RNF150: variants seen among roughly 807,000 people sequenced by gnomAD.
RNF150 encodes ring finger protein 150.
A neutral mutation model predicts 39.3 loss-of-function variants in RNF150; 24 were observed. That is an observed-to-expected ratio of 0.61 (90% CI 0.44 to 0.86). The LOEUF is 0.86. Ranked by LOEUF, RNF150 falls within the 40% of genes least tolerant of loss-of-function variation. The pLI, the probability that RNF150 is intolerant of heterozygous loss-of-function variation, is 0.00. For missense variants in RNF150, 502 were observed against 587.8 expected, an observed-to-expected ratio of 0.85 and a Z score of 1.51; for synonymous variants, 255 against 227.3, an observed-to-expected ratio of 1.12 and a Z score of -1.10.
At chr4:141,114,568 C>T (rs1560745984) in intron 1 of RNF150, among the ~76,000 whole-genome samples, 1 of 152,062 alleles carries the variant, frequency 6.6e-6, no homozygotes, top group Non-Finnish European at 1.5e-5. Context: ...AAATTCACAG[C>T]CGAATTCTAC....
At chr4:141,008,221 T>G (rs2110736698) in intron 1 of RNF150, among the ~76,000 whole-genome samples, 1 of 152,364 alleles carries the variant, frequency 6.6e-6, no homozygotes, top group African/African-American at 2.4e-5. Flanking sequence ...TCAAATGTTT[T>G]TTGCTAATTT....
intron 1 of RNF150, among the ~76,000 whole-genome samples, chr4:140,982,237 G>A (rs577656635): frequency 6.6e-5 from 10 of 152,098 alleles, no homozygotes; most frequent in Non-Finnish European, 8.8e-5. Flanking sequence ...TTTTTCTCAC[G>A]ACATATGAAA....
chr4:141,078,616 C>A (rs943967538), intron 1 of RNF150, among the ~76,000 whole-genome samples: 9 of 150,352 alleles, frequency 6.0e-5, no homozygotes, highest in South Asian at 2.1e-4. Context: ...CCCGTCTCTA[C>A]TAAAAATACA....
chr4:141,206,443 G>A (rs1728376515), intron 1 of RNF150, among the ~76,000 whole-genome samples: 1 of 140,898 alleles, frequency 7.1e-6, no homozygotes, highest in African/African-American at 2.6e-5. Context: ...AAAAAAGAGT[G>A]TTCCCAAACC....
chr4:141,010,722 T>C (rs991041999), intron 1 of RNF150, among the ~76,000 whole-genome samples: 4 of 152,100 alleles, frequency 2.6e-5, no homozygotes, highest in Non-Finnish European at 5.9e-5. Flanking sequence ...CACCCGCCGC[T>C]AACAGCACCC....
intron 6 of RNF150, among the ~76,000 whole-genome samples, chr4:140,875,434 C>G (rs59222460): frequency 0.14 from 21,474 of 152,120 alleles, 1,812 homozygotes; most frequent in East Asian, 0.38. Flanking sequence ...ACCTTGGTCT[C>G]CAAAGCACCA....
intron 1 of RNF150, among the ~76,000 whole-genome samples, chr4:141,100,655 G>A (rs1738974289): frequency 1.3e-5 from 2 of 152,198 alleles, no homozygotes; most frequent in Admixed American, 6.5e-5. Flanking sequence ...TGCTAGGGAA[G>A]GAGATGTACG....
At chr4:141,129,546 C>T (rs923343815) in intron 1 of RNF150, among the ~76,000 whole-genome samples, 1 of 152,088 alleles carries the variant, frequency 6.6e-6, no homozygotes, top group Admixed American at 6.5e-5. Context: ...ATGATGGCTG[C>T]ACAACTCAGT....
chr4:141,147,564 G>C (rs1942408004), intron 1 of RNF150, among the ~76,000 whole-genome samples: 1 of 152,228 alleles, frequency 6.6e-6, no homozygotes, highest in Non-Finnish European at 1.5e-5. Flanking sequence ...ACACAAGGCA[G>C]AGGGAATGGA....
At chr4:141,189,356 C>T (rs1399910686) in intron 1 of RNF150, among the ~76,000 whole-genome samples, 1 of 152,168 alleles carries the variant, frequency 6.6e-6, no homozygotes, top group African/African-American at 2.4e-5. Context: ...AGTTATCTCC[C>T]AGTCAGGTGG....
At chr4:140,905,491 C>A (rs1245646688) in intron 6 of RNF150, among the ~76,000 whole-genome samples, 1 of 152,142 alleles carries the variant, frequency 6.6e-6, no homozygotes, top group Non-Finnish European at 1.5e-5. Context: ...TAAAGGGGAA[C>A]TTGTTCGGTA....
intron 1 of RNF150, among the ~76,000 whole-genome samples, chr4:141,014,420 C>T (rs368510469): frequency 3.3e-5 from 5 of 152,154 alleles, no homozygotes; most frequent in African/African-American, 7.2e-5. Context: ...ACCTCCACAC[C>T]GCTTTCCATA....
chr4:141,176,402 T>C (rs1727814902), intron 1 of RNF150, among the ~76,000 whole-genome samples: 1 of 152,200 alleles, frequency 6.6e-6, no homozygotes, highest in South Asian at 2.1e-4. Context: ...CTTGGTCCCT[T>C]GCAAAAGATG....
chr4:141,113,808 TAACA>T (rs1739465502), intron 1 of RNF150, among the ~76,000 whole-genome samples: 1 of 152,042 alleles, frequency 6.6e-6, no homozygotes, highest in African/African-American at 2.4e-5. Context: ...ACAGAAACCA[TAACA>T]AACTGTCTCT....
chr4:141,168,762 G>A lies in RNF150; in HGVS notation c.-6+44032C>T, dbSNP rs939724966. On this transcript the variant is annotated intron_variant, in intron 1 of 7. Transcript: ENST00000420921. The stretch of plus-strand genomic sequence containing the variant: ...CGAACAAGGAGAACACATGGACACA[G>A]GGAGGGGAACATCACACACCAGCGC... Among the ~76,000 whole-genome samples the A allele has an allele frequency of 2.6e-5, 4 of 152,162 alleles. No individual in the cohort carries two copies. In the East Asian group the frequency reaches 7.7e-4, roughly 29 times the overall value.
chr4:141,166,511 A>G (rs148957797), intron 1 of RNF150, among the ~76,000 whole-genome samples: 139 of 152,360 alleles, frequency 9.1e-4, no homozygotes, highest in African/African-American at 3.2e-3. Context: ...TCAGGCTAAT[A>G]TCCCTGATGA....
intron 4 of RNF150, among the ~76,000 whole-genome samples, chr4:140,935,002 TATATAAATATA>T: frequency 8.7e-6 from 1 of 114,814 alleles, no homozygotes; most frequent in Non-Finnish European, 1.7e-5. Flanking sequence ...TATATATATA[TATATAAATATA>T]TATATATTAT....
At chr4:141,039,802 G>A (rs1203815120) in intron 1 of RNF150, among the ~76,000 whole-genome samples, 1 of 152,058 alleles carries the variant, frequency 6.6e-6, no homozygotes, top group East Asian at 1.9e-4. Flanking sequence ...GAGCAGTTAG[G>A]CTTAAAACCC....
chr4:140,929,334 T>C (rs887230910), intron 4 of RNF150, among the ~76,000 whole-genome samples: 2 of 151,514 alleles, frequency 1.3e-5, no homozygotes, highest in African/African-American at 2.4e-5. Context: ...CACTGGTCAT[T>C]CTTACACCTC....
Sources: allele counts gnomAD v4.1 joint callset (sites outside exome capture counted in the v4.1 genomes callset), GRCh38; gene constraint gnomAD v4.1.1; transcripts MANE v1.5; gene names NCBI Gene and HGNC (gene_info 2026-07-23, HGNC 2026-07-21).